Variants in TCTN2 observed in about 807,000 individuals in gnomAD.
TCTN2 encodes tectonic family member 2.
In TCTN2, 66 loss-of-function variants were observed where a neutral mutation model predicts 83.4. That is an observed-to-expected ratio of 0.79 (90% CI 0.65 to 0.97). The LOEUF is 0.97. Ranked by LOEUF, TCTN2 falls within the 50% of genes least tolerant of loss-of-function variation. The pLI is 0.00. For missense variants in TCTN2, 794 were observed against 858.1 expected, an observed-to-expected ratio of 0.93 and a Z score of 0.93; for synonymous variants, 301 against 326.7, an observed-to-expected ratio of 0.92 and a Z score of 0.85.
intron 15 of TCTN2, 26 bp downstream of exon 15, chr12:123,704,714 A>G (rs768399486): frequency 6.2e-7 from 1 of 1,613,286 alleles, no homozygotes; most frequent in Non-Finnish European, 8.5e-7. Context: ...GGATCACCGT[A>G]GTTTAGAGAG....
intron 3 of TCTN2, among the ~76,000 whole-genome samples, 179 bp from the exon 4 acceptor site, chr12:123,673,436 C>G (rs1310451184): frequency 6.6e-6 from 1 of 152,158 alleles, no homozygotes; most frequent in Non-Finnish European, 1.5e-5. Flanking sequence ...AGAATCAGGG[C>G]TTGCATGTTA....
intron 14 of TCTN2, among the ~76,000 whole-genome samples, chr12:123,701,121 T>C (rs753995980): frequency 6.6e-6 from 1 of 152,118 alleles, no homozygotes; most frequent in Non-Finnish European, 1.5e-5. Flanking sequence ...GAAAATAAAG[T>C]GATTGAAAAT....
Position 123,699,819 on chromosome 12 carries a change from A to G in TCTN2, c.1612+9A>G, listed in dbSNP as rs781064666. The G allele has an allele frequency of 6.2e-7, 1 of 1,611,126 alleles. No homozygotes were observed. Among genetic ancestry groups the G allele is most frequent in the Non-Finnish European group, 8.5e-7 (1 of 1,177,344 alleles). Reference sequence around the variant, plus strand: ...CTGGCTCGAAATAATACGTAAGTCAAACCCGGGTACAATAAAGCCTGTAAC... The same window carrying G: ...CTGGCTCGAAATAATACGTAAGTCAGACCCGGGTACAATAAAGCCTGTAAC... On this transcript the variant is annotated intron_variant, in intron 14 of 17. Coordinates refer to ENST00000303372, the MANE Select transcript of TCTN2 (RefSeq NM_024809.5).
chr12:123,676,981 C>T (rs958395696), intron 4 of TCTN2, among the ~76,000 whole-genome samples: 1 of 152,092 alleles, frequency 6.6e-6, no homozygotes, highest in Non-Finnish European at 1.5e-5. Flanking sequence ...AGTTTGAGAC[C>T]AGCATGGACA....
rs145483549 is a variant in TCTN2, at chr12:123,704,644, G to C, written c.1725G>C (p.Ala575=). Residue 575 remains alanine (A), a synonymous_variant, in exon 15 of 18, where the codon GCG becomes GCC. Coordinates refer to ENST00000303372, the MANE Select transcript of TCTN2 (RefSeq NM_024809.5). ...SIRILISDAG[A]VEGITQQEIL... is the part of the protein sequence containing the mutation. ...GCATCCTCATCTCGGATGCTGGCGC[G>C]GTGGAAGGGATTACTCAGCAGGAGA... 3 of 1,613,024 alleles carry C rather than the reference G, an allele frequency of 1.9e-6. No individual in the cohort carries two copies. The highest frequency in any genetic ancestry group is 2.5e-6 in the Non-Finnish European group (3 of 1,179,878).
chr12:123,694,853 A>C lies in TCTN2; in HGVS notation c.1111A>C (p.Asn371His). Reference protein sequence around the residue: ...KFITNTETPLNNGSTPRIVNV... With the variant: ...KFITNTETPLHNGSTPRIVNV... ...TCTTGTATTTGCAGAAACTCCTTTA[A>C]ATAACGGATCAACCCCTAGAATTGT... The change falls in exon 10 of 18, where the codon AAT (asparagine) becomes CAT (histidine). Residue 371 changes from asparagine to histidine, a missense_variant. Coordinates refer to ENST00000303372, the MANE Select transcript of TCTN2 (RefSeq NM_024809.5). The C allele has an allele frequency of 6.2e-7, 1 of 1,612,660 alleles. No homozygotes were observed. The highest frequency in any genetic ancestry group is 8.5e-7 in the Non-Finnish European group (1 of 1,178,928).
chr12:123,701,730 A>G (rs1371465914), intron 14 of TCTN2, among the ~76,000 whole-genome samples: 2 of 151,494 alleles, frequency 1.3e-5, no homozygotes, highest in Non-Finnish European at 2.9e-5. Flanking sequence ...GCGACAGAGC[A>G]AGACTCCGTC....
In TCTN2 at chr12:123,691,524, G is replaced by A. The variant is rs116172531; in HGVS notation, c.1033+850G>A. On this transcript the variant is annotated intron_variant, in intron 8 of 17. Transcript: ENST00000303372. ...AATCATAGTCCATTGCATGGACAGA[G>A]CACATTGTGTTTGTCCATTCCTCAG... 8.5e-3 allele frequency among the ~76,000 whole-genome samples: 1,289 copies of A among 152,324 alleles called. 16 individuals are homozygous for A. Among genetic ancestry groups the A allele is most frequent in the African/African-American group, 0.029 (1,205 of 41,584 alleles).
chr12:123,672,329 T>G (rs1422374857), intron 3 of TCTN2, among the ~76,000 whole-genome samples, 197 bp downstream of exon 3: 2 of 152,192 alleles, frequency 1.3e-5, no homozygotes, highest in Non-Finnish European at 2.9e-5. Flanking sequence ...TTGGATGTAT[T>G]TCAGTGGGTC....
Position 123,707,603 on chromosome 12 carries a change from G to A in TCTN2, c.1985-1G>A. The A allele has an allele frequency of 6.2e-7, 1 of 1,613,896 alleles. No homozygotes were observed. The highest frequency in any genetic ancestry group is 2.2e-5 in the East Asian group (1 of 44,876). On this transcript the variant is annotated splice_acceptor_variant, in intron 17 of 17. Coordinates refer to ENST00000303372, the MANE Select transcript of TCTN2 (RefSeq NM_024809.5). LOFTEE classifies it high-confidence loss of function. Reference sequence around the variant, plus strand: ...GTTGAATTTTGTCCATTGTTTTTCAGGGGAGCTGCATTCTCAGTGTGTTGC... The same window carrying A: ...GTTGAATTTTGTCCATTGTTTTTCAAGGGAGCTGCATTCTCAGTGTGTTGC...
At chr12:123,699,927 A>G in intron 14 of TCTN2, 117 bp downstream of exon 14, 1 of 820,448 alleles carries the variant, frequency 1.2e-6, no homozygotes. Context: ...ACTGCGGCTT[A>G]ACTGGACGTT....
chr12:123,700,466 C>T (rs1002260705), intron 14 of TCTN2, among the ~76,000 whole-genome samples: 3 of 151,756 alleles, frequency 2.0e-5, no homozygotes, highest in African/African-American at 7.3e-5. Flanking sequence ...GAGTCTTGCT[C>T]TTGTCACCCA....
rs1469105555 is a variant in TCTN2 at position 123,706,845 on chromosome 12, T to G, written c.1889T>G (p.Leu630Arg). The change falls in exon 16 of 18, where the codon CTG (leucine) becomes CGG (arginine). Residue 630 changes from leucine (L) to arginine (R), a missense_variant. By Grantham distance (102) the Leu-to-Arg change is moderately radical (BLOSUM62 -2). Coordinates refer to ENST00000303372, the MANE Select transcript of TCTN2 (RefSeq NM_024809.5). ...ATTCCTGCACAGTTACCCCACCCCC[T>G]GACAAGGTACTCCAGTTGCTCACCT... ...IKIPAQLPHP[L>R]TRFQINYTEY... is the part of the protein sequence containing the mutation. The G allele has an allele frequency of 6.2e-7, 1 of 1,614,024 alleles. No homozygotes were observed. Among genetic ancestry groups the G allele is most frequent in the Non-Finnish European group, 8.5e-7 (1 of 1,180,010 alleles).
rs1323939981 is a variant in TCTN2 at position 123,708,328 on chromosome 12, AGT to A, written c.*617_*618del. ...CTCAAAGACTTTAGACCTTGACTTCAGTGATTTGTTGTAGTCTTGTATGCTTC... is the reference window on the plus strand; with the variant it reads ...CTCAAAGACTTTAGACCTTGACTTCAGATTTGTTGTAGTCTTGTATGCTTC... On this transcript the variant is annotated 3_prime_UTR_variant, in exon 18 of 18. Transcript: ENST00000303372. The A allele has an allele frequency of 1.3e-5, 2 of 154,344 alleles. No homozygotes were observed. The highest frequency in any genetic ancestry group is 2.9e-5 in the Non-Finnish European group (2 of 69,316). 9.6% of individuals were successfully genotyped at this position (154,344 alleles called of 1,614,324 possible).
At chr12:123,703,377 T>C (rs11614468) in intron 14 of TCTN2, among the ~76,000 whole-genome samples, 54,538 of 151,972 alleles carry the variant, frequency 0.36, 10,282 homozygotes, top group African/African-American at 0.41. Flanking sequence ...AGACAGGGTT[T>C]CACCATGTTG....
chr12:123,675,804 T>C (rs911007912), intron 4 of TCTN2, among the ~76,000 whole-genome samples: 1 of 152,162 alleles, frequency 6.6e-6, no homozygotes, highest in Non-Finnish European at 1.5e-5. Context: ...TTAATATGCT[T>C]TTGATTTTTT....
At position 123,671,278 on chromosome 12, in the gene TCTN2, T is replaced by G. The variant is rs1317661614; in HGVS notation, c.38T>G (p.Leu13Arg). ...CCTCCGGCCGCTCTTCTTTTGAGGC[T>G]TTTCCTTCTGCAGGGCATCCTGAGG... Reference protein sequence around the residue: ...FQPPAALLLRLFLLQGILRLL... With the variant: ...FQPPAALLLRRFLLQGILRLL... The change falls in exon 1 of 18, where the codon CTT becomes CGT. Residue 13 changes from leucine (L) to arginine (R), a missense_variant. Coordinates refer to ENST00000303372, the MANE Select transcript of TCTN2 (RefSeq NM_024809.5). 1 of 1,613,462 alleles carries G rather than the reference T, an allele frequency of 6.2e-7. No individual in the cohort carries two copies. The highest frequency in any genetic ancestry group is 1.3e-5 in the African/African-American group (1 of 74,906).
chr12:123,674,638 A>T (rs7133199), intron 4 of TCTN2, among the ~76,000 whole-genome samples: 17 of 151,952 alleles, frequency 1.1e-4, no homozygotes, highest in African/African-American at 4.1e-4. Flanking sequence ...TGGCTCCCAC[A>T]CTGTAAGTGC....
Position 123,692,692 on chromosome 12 carries a change from A to G in TCTN2, c.1068A>G (p.Ala356=), listed in dbSNP as rs149502828. The part of the protein sequence containing the change: ...IVTPKVIYEE[A]TDLDKFITNT... ...CACCAAAAGTGATCTATGAGGAAGC[A>G]ACTGACCTAGACAAATTCATCACCA... Residue 356 remains alanine (A), a synonymous_variant, in exon 9 of 18, where the codon GCA becomes GCG. Transcript: ENST00000303372. The G allele has an allele frequency of 1.9e-6, 3 of 1,613,854 alleles. No homozygotes were observed. The Admixed American group carries it at 5.0e-5, about 27-fold the overall frequency.
Sources: gnomAD v4.1 joint callset for allele counts (sites outside exome capture counted in the v4.1 genomes callset) on GRCh38, gnomAD v4.1.1 for gene constraint, MANE v1.5 for transcripts, NCBI Gene and HGNC (gene_info 2026-07-23, HGNC 2026-07-21) for gene names.